The following XPO6 variants were observed in gnomAD, a reference collection of about 807,000 sequenced individuals.
XPO6 encodes the protein exportin 6.
Under a neutral mutation model 130.0 loss-of-function variants are expected in XPO6, and 3 were observed. The observed-to-expected ratio is 0.02, with a 90% CI of 0.01 to 0.06. The LOEUF (loss-of-function observed/expected upper bound fraction) is 0.06. Ranked by LOEUF, XPO6 falls within the 10% of genes least tolerant of loss-of-function variation. The pLI, the probability that XPO6 is intolerant of heterozygous loss-of-function variation, is 1.00. For missense variants in XPO6, 970 were observed against 1,393.0 expected, an observed-to-expected ratio of 0.70 and a Z score of 4.83; for synonymous variants, 524 against 548.9, an observed-to-expected ratio of 0.95 and a Z score of 0.63.
intron 13 of XPO6, among the ~76,000 whole-genome samples, chr16:28,125,013 T>C (rs544606087): frequency 1.3e-5 from 2 of 152,318 alleles, no homozygotes; most frequent in South Asian, 4.1e-4. Flanking sequence ...TCTTGGGTTT[T>C]TCGAGGGGAG....
At chr16:28,186,147 A>T (rs1411805860) in intron 1 of XPO6, among the ~76,000 whole-genome samples, 1 of 151,898 alleles carries the variant, frequency 6.6e-6, no homozygotes, top group Non-Finnish European at 1.5e-5. Context: ...TCTTCCCCAT[A>T]TTCTCCATCC....
chr16:28,118,623 C>A (rs1353325360), intron 14 of XPO6, among the ~76,000 whole-genome samples: 1 of 152,222 alleles, frequency 6.6e-6, no homozygotes, highest in African/African-American at 2.4e-5. Flanking sequence ...TCCCAAAGGG[C>A]TGGGATTGCA....
intron 8 of XPO6, among the ~76,000 whole-genome samples, chr16:28,150,377 C>G (rs188246770): frequency 6.6e-6 from 1 of 152,104 alleles, no homozygotes; most frequent in Non-Finnish European, 1.5e-5. Context: ...TATAAAACCA[C>G]CATTTTCAAT....
chr16:28,121,810 A>C (rs776761465), intron 13 of XPO6, 48 bp from the exon 14 acceptor site: 2 of 1,306,832 alleles, frequency 1.5e-6, no homozygotes, highest in Non-Finnish European at 2.2e-6. Context: ...TTATGAACTA[A>C]GACAGACAAA....
At chr16:28,157,950 G>T (rs940293893) in intron 6 of XPO6, among the ~76,000 whole-genome samples, 5 of 152,216 alleles carry the variant, frequency 3.3e-5, no homozygotes, top group Non-Finnish European at 7.3e-5. Flanking sequence ...CAGGCGTGAG[G>T]GGGAGAGCTG....
intron 9 of XPO6, among the ~76,000 whole-genome samples, chr16:28,141,911 G>T (rs1016571098): frequency 6.6e-6 from 1 of 152,266 alleles, no homozygotes; most frequent in Non-Finnish European, 1.5e-5. Flanking sequence ...AGCGAGCCAA[G>T]ATCGCGCCAC....
chr16:28,103,405 T>C (rs1039928793), intron 21 of XPO6, among the ~76,000 whole-genome samples: 3 of 152,246 alleles, frequency 2.0e-5, no homozygotes, highest in African/African-American at 4.8e-5. Context: ...ATACTCAAAG[T>C]GTTTCCAGCT....
At position 28,195,066 on chromosome 16, in the gene XPO6, T is replaced by C. The variant is rs559276969; in HGVS notation, c.4-14035A>G. Among the ~76,000 whole-genome samples the C allele has an allele frequency of 2.0e-4, 31 of 151,798 alleles. No individual in the cohort carries two copies. The South Asian group carries it at 6.5e-3, about 32-fold the overall frequency. On this transcript the variant is annotated intron_variant, in intron 1 of 23. Coordinates refer to ENST00000304658, the MANE Select transcript of XPO6 (RefSeq NM_015171.4). ...TCAGAGCTCCTCACTCCTTGTGGGC[T>C]TCAACATGACACCGACCATAATGAA... is the stretch of plus-strand genomic sequence containing the variant.
chr16:28,132,298 ATGTT>A lies in XPO6; in HGVS notation c.1606+32_1606+35del, dbSNP rs748589896. 41 of 1,480,584 alleles carry A rather than the reference ATGTT, an allele frequency of 2.8e-5. No homozygotes were observed. The highest frequency in any genetic ancestry group is 3.5e-5 in the Non-Finnish European group (37 of 1,070,782). 91.7% of individuals were successfully genotyped at this position (1,480,584 alleles called of 1,614,324 possible). On this transcript the variant is annotated intron_variant, in intron 12 of 23. Coordinates refer to ENST00000304658, the MANE Select transcript of XPO6 (RefSeq NM_015171.4). The surrounding 1 kb of genome is among the most constrained non-coding windows in gnomAD (Gnocchi z 4.0). ...AAATATCAGTCCGATGGTTTTTTGA[ATGTT>A]TGGTTAAATTAGAAAATAAAAACCA...
chr16:28,116,596 C>T (rs903506010), intron 15 of XPO6, among the ~76,000 whole-genome samples: 5 of 151,944 alleles, frequency 3.3e-5, no homozygotes, highest in Non-Finnish European at 7.4e-5. Flanking sequence ...CTTCCTTTCA[C>T]TCGAACACGT....
chr16:28,158,245 G>T (rs2043214366), intron 6 of XPO6, among the ~76,000 whole-genome samples: 1 of 152,080 alleles, frequency 6.6e-6, no homozygotes, highest in African/African-American at 2.4e-5. Flanking sequence ...TTACGGGGAA[G>T]GGAGTCCACA....
chr16:28,140,676 CAA>C (rs869289553), intron 9 of XPO6, among the ~76,000 whole-genome samples: 14 of 80,996 alleles, frequency 1.7e-4, no homozygotes, highest in Non-Finnish European at 1.6e-4. Context: ...GACCCCGTCT[CAA>C]AAAAAAAAAA....
intron 14 of XPO6, among the ~76,000 whole-genome samples, chr16:28,118,405 G>C (rs1204212599): frequency 1.3e-5 from 2 of 152,190 alleles, no homozygotes; most frequent in African/African-American, 4.8e-5. Context: ...CTGTTGCTCA[G>C]GCTGGCATGC....
Position 28,173,480 on chromosome 16 carries a change from C to T in XPO6, c.405+2418G>A, listed in dbSNP as rs530717527. Among the ~76,000 whole-genome samples, 188 of 152,270 alleles carry T rather than the reference C, an allele frequency of 1.2e-3. 8 individuals are homozygous for T. In the South Asian group the frequency reaches 0.038, roughly 31 times the overall value. On this transcript the variant is annotated intron_variant, in intron 4 of 23. Coordinates refer to ENST00000304658, the MANE Select transcript of XPO6 (RefSeq NM_015171.4). ...ACTTTAGGCTAGGGGCAGTAGCTCA[C>T]GCCTATAATCCTAGCACTTTGAGAG...
chr16:28,160,565 T>G (rs1246459161), intron 6 of XPO6, among the ~76,000 whole-genome samples: 1 of 151,478 alleles, frequency 6.6e-6, no homozygotes, highest in African/African-American at 2.4e-5. Context: ...ATATATAATC[T>G]GATGCCATTT....
intron 1 of XPO6, among the ~76,000 whole-genome samples, chr16:28,187,221 G>A (rs576458874): frequency 2.0e-5 from 3 of 152,294 alleles, no homozygotes; most frequent in South Asian, 4.1e-4. Context: ...TCTCATAAGC[G>A]AGTACCTAGC....
At chr16:28,205,366 C>A (rs2141915227) in intron 1 of XPO6, among the ~76,000 whole-genome samples, 1 of 152,266 alleles carries the variant, frequency 6.6e-6, no homozygotes, top group East Asian at 1.9e-4. Flanking sequence ...TAACTGTCTG[C>A]AAGAAACTTT....
At chr16:28,177,832 T>C (rs1213864046) in intron 2 of XPO6, among the ~76,000 whole-genome samples, 1 of 151,904 alleles carries the variant, frequency 6.6e-6, no homozygotes, top group Non-Finnish European at 1.5e-5. Context: ...AGGAAAAAAA[T>C]GCAAGAGAAT....
At chr16:28,184,406 G>A (rs749742968) in intron 1 of XPO6, among the ~76,000 whole-genome samples, 3 of 152,052 alleles carry the variant, frequency 2.0e-5, no homozygotes, top group South Asian at 2.1e-4. Flanking sequence ...GTATCTTCAC[G>A]AGCTAGGGGT....
Sources: gnomAD v4.1 joint callset for allele counts (sites outside exome capture counted in the v4.1 genomes callset) on GRCh38, gnomAD v4.1.1 for gene constraint, Gnocchi (gnomAD v3.1) non-coding constraint, MANE v1.5 for transcripts, NCBI Gene and HGNC (gene_info 2026-07-23, HGNC 2026-07-21) for gene names.